The following PSD3 variants were observed in gnomAD, a reference collection of about 807,000 sequenced individuals.
PSD3 encodes the protein pleckstrin and Sec7 domain containing 3.
Under a neutral mutation model 105.5 loss-of-function variants are expected in PSD3, and 49 were observed. That is an observed-to-expected ratio of 0.46 (90% CI 0.37 to 0.59). PSD3 has a LOEUF of 0.59. Ranked by LOEUF, PSD3 falls within the 20% of genes least tolerant of loss-of-function variation. The pLI is 0.00. For missense variants in PSD3, 1,561 were observed against 1,263.8 expected, an observed-to-expected ratio of 1.24 and a Z score of -3.57; for synonymous variants, 557 against 457.8, an observed-to-expected ratio of 1.22 and a Z score of -2.77.
chr8:18,647,107 C>G (rs1808092219), intron 10 of PSD3, among the ~76,000 whole-genome samples: 1 of 152,188 alleles, frequency 6.6e-6, no homozygotes, highest in South Asian at 2.1e-4. Context: ...GGGAGGAAAT[C>G]TTTGCAAAAT....
At chr8:18,983,830 C>T (rs1320985024) in intron 1 of PSD3, among the ~76,000 whole-genome samples, 1 of 150,970 alleles carries the variant, frequency 6.6e-6, no homozygotes, top group Admixed American at 6.6e-5. Context: ...CAGACGCCGT[C>T]TCTACAAAAA....
At chr8:18,986,539 T>C (rs1316842577) in intron 1 of PSD3, among the ~76,000 whole-genome samples, 1 of 151,564 alleles carries the variant, frequency 6.6e-6, no homozygotes, top group African/African-American at 2.4e-5. Flanking sequence ...AAGCTCTTTC[T>C]TGAGATAAAA....
In PSD3 at chr8:18,919,915, G is replaced by A. The variant is rs1007793725; in HGVS notation, c.130+16119C>T. 3.9e-4 allele frequency among the ~76,000 whole-genome samples: 59 copies of A among 150,664 alleles called. 1 individual carries two copies. The highest frequency in any genetic ancestry group is 3.9e-3 in the Admixed American group (59 of 15,142). Reference sequence around the variant, plus strand: ...ACCTAATGCTAGATGACGAGTTAGTGGGTGCAGCGCACCAGCACGGCACAT... The same window carrying A: ...ACCTAATGCTAGATGACGAGTTAGTAGGTGCAGCGCACCAGCACGGCACAT... On this transcript the variant is annotated intron_variant, in intron 2 of 15. Transcript: ENST00000327040.
chr8:19,043,753 A>G (rs1299148528), intron 1 of PSD3, among the ~76,000 whole-genome samples: 3 of 152,134 alleles, frequency 2.0e-5, no homozygotes, highest in African/African-American at 4.8e-5. Context: ...TTTGCCACAG[A>G]TGACACAGCA....
intron 9 of PSD3, among the ~76,000 whole-genome samples, chr8:18,660,774 T>G (rs1473664495): frequency 6.6e-6 from 1 of 152,210 alleles, no homozygotes; most frequent in Non-Finnish European, 1.5e-5. Flanking sequence ...ACCAATCTTT[T>G]ATCTAACTGT....
At chr8:18,725,427 C>T (rs980211058) in intron 9 of PSD3, among the ~76,000 whole-genome samples, 15 of 152,096 alleles carry the variant, frequency 9.9e-5, no homozygotes, top group Non-Finnish European at 2.1e-4. Context: ...GTATTCCAAT[C>T]CCACTTTGTC....
At chr8:18,709,288 G>A (rs890615278) in intron 9 of PSD3, among the ~76,000 whole-genome samples, 2 of 152,160 alleles carry the variant, frequency 1.3e-5, no homozygotes, top group African/African-American at 4.8e-5. Context: ...ACTGGGCAGG[G>A]TCTCCCCACA....
chr8:18,657,212 C>G (rs1224068984), intron 9 of PSD3, among the ~76,000 whole-genome samples: 1 of 152,212 alleles, frequency 6.6e-6, no homozygotes, highest in South Asian at 2.1e-4. Context: ...TCGCCCTTAA[C>G]ATTGTCTCAT....
chr8:18,781,285 G>C (rs949642101), intron 8 of PSD3, among the ~76,000 whole-genome samples: 1 of 152,144 alleles, frequency 6.6e-6, no homozygotes, highest in Non-Finnish European at 1.5e-5. Context: ...ATGCCCTTAA[G>C]CAGTTATCCT....
intron 9 of PSD3, among the ~76,000 whole-genome samples, chr8:18,691,469 G>A (rs191056753): frequency 3.3e-5 from 5 of 152,258 alleles, no homozygotes; most frequent in East Asian, 3.9e-4. Context: ...AGGGCCTTCC[G>A]GAGATCAGAA....
intron 14 of PSD3, among the ~76,000 whole-genome samples, chr8:18,567,357 T>C (rs17126819): frequency 0.026 from 3,941 of 152,246 alleles, 106 homozygotes; most frequent in African/African-American, 0.071. Flanking sequence ...GCTCTTTATG[T>C]GGTATGCTGC....
intron 1 of PSD3, among the ~76,000 whole-genome samples, chr8:19,080,123 A>T (rs971456528): frequency 1.3e-5 from 2 of 152,188 alleles, no homozygotes; most frequent in African/African-American, 4.8e-5. Context: ...TCCTGACTTC[A>T]AATGATTTGC....
At chr8:18,755,391 C>A (rs1044783157) in intron 9 of PSD3, among the ~76,000 whole-genome samples, 1 of 151,888 alleles carries the variant, frequency 6.6e-6, no homozygotes, top group East Asian at 1.9e-4. Flanking sequence ...GATTGTACCA[C>A]TGCACTCCTG....
At chr8:18,778,068 A>G (rs4921959) in intron 8 of PSD3, among the ~76,000 whole-genome samples, 15,877 of 152,172 alleles carry the variant, frequency 0.1, 1,672 homozygotes, top group East Asian at 0.47. Context: ...TTAATTCCAT[A>G]TCTTGGCTAT....
At chr8:18,964,979 C>T (rs1050990340) in intron 1 of PSD3, among the ~76,000 whole-genome samples, 4 of 152,162 alleles carry the variant, frequency 2.6e-5, no homozygotes, top group African/African-American at 9.7e-5. Flanking sequence ...ATTTGCATGA[C>T]CAACTTATTC....
At chr8:18,730,169 T>C (rs1264885974) in intron 9 of PSD3, 1 of 152,208 alleles carries the variant, frequency 6.6e-6, no homozygotes, top group Non-Finnish European at 1.5e-5. Context: ...ATTTTGACTA[T>C]GAAATGTTTC....
chr8:19,053,915 G>A (rs900557096), intron 1 of PSD3, among the ~76,000 whole-genome samples: 4 of 152,206 alleles, frequency 2.6e-5, no homozygotes, highest in Admixed American at 6.5e-5. Context: ...ACCTAAGGAA[G>A]GTTGCAGTCT....
At chr8:18,849,053 A>G (rs889222057) in intron 4 of PSD3, among the ~76,000 whole-genome samples, 1 of 152,346 alleles carries the variant, frequency 6.6e-6, no homozygotes. Flanking sequence ...CCTTAGGTTT[A>G]TCTTCTACAC....
At chr8:18,771,834 A>G (rs1441523061) in intron 8 of PSD3, among the ~76,000 whole-genome samples, 1 of 152,202 alleles carries the variant, frequency 6.6e-6, no homozygotes, top group Non-Finnish European at 1.5e-5. Context: ...CAGAATTCCA[A>G]AACTTTTTCA....
Sources: allele counts gnomAD v4.1 joint callset (sites outside exome capture counted in the v4.1 genomes callset), GRCh38; gene constraint gnomAD v4.1.1; transcripts MANE v1.5; gene names NCBI Gene and HGNC (gene_info 2026-07-23, HGNC 2026-07-21).